Variants in STX8 observed in about 807,000 individuals in gnomAD.
The protein encoded by STX8 is syntaxin-8.
In STX8, 23 loss-of-function variants were observed where a neutral mutation model predicts 37.5. The observed-to-expected ratio is 0.61, with a 90% CI of 0.44 to 0.87. STX8 has a LOEUF of 0.87. STX8 is among the 40% of genes least tolerant of loss of function. STX8 has a pLI of 0.00. For synonymous variants in STX8, 115 were observed against 99.1 expected (o/e 1.16, Z -0.95); for missense variants, 313 against 284.7 (o/e 1.10, Z -0.71).
chr17:9,357,146 T>C (rs1396351131), intron 7 of STX8, among the ~76,000 whole-genome samples: 1 of 151,696 alleles, frequency 6.6e-6, no homozygotes, highest in African/African-American at 2.4e-5. Context: ...TTTTGTATTT[T>C]TAGAGACGGG....
chr17:9,365,136 T>G (rs536652268), intron 7 of STX8, among the ~76,000 whole-genome samples: 3 of 152,192 alleles, frequency 2.0e-5, no homozygotes, highest in Non-Finnish European at 4.4e-5. Context: ...AGTAGTATAT[T>G]GTGACATGTT....
intron 4 of STX8, among the ~76,000 whole-genome samples, chr17:9,533,638 G>T (rs527987085): frequency 1.3e-5 from 2 of 152,102 alleles, no homozygotes; most frequent in Non-Finnish European, 2.9e-5. Flanking sequence ...AAAGGCCAGC[G>T]AGTGACTAAC....
At chr17:9,482,181 C>T (rs900392845) in intron 6 of STX8, among the ~76,000 whole-genome samples, 18 of 152,106 alleles carry the variant, frequency 1.2e-4, no homozygotes, top group African/African-American at 4.3e-4. Context: ...AGACCCTGTC[C>T]CTATTTTTTT....
chr17:9,552,094 G>A (rs1038157476), intron 3 of STX8, among the ~76,000 whole-genome samples: 4 of 152,160 alleles, frequency 2.6e-5, no homozygotes, highest in Non-Finnish European at 4.4e-5. Context: ...GCTCACACCA[G>A]TAATCCAAAC....
At chr17:9,445,524 T>TTGGGGGGGG (rs1904813616) in intron 6 of STX8, among the ~76,000 whole-genome samples, 1 of 25,672 alleles carries the variant, frequency 3.9e-5, no homozygotes, top group African/African-American at 1.5e-4. Flanking sequence ...GGTTGGGGGG[T>TTGGGGGGGG]GGGGGTGAGG....
intron 5 of STX8, among the ~76,000 whole-genome samples, chr17:9,492,718 G>A (rs1180540452): frequency 6.6e-6 from 1 of 152,160 alleles, no homozygotes; most frequent in African/African-American, 2.4e-5. Flanking sequence ...GGAAGCCAAG[G>A]CAGGAGGTTC....
intron 6 of STX8, among the ~76,000 whole-genome samples, chr17:9,458,964 G>A (rs137941525): frequency 0.011 from 1,651 of 151,870 alleles, 24 homozygotes; most frequent in African/African-American, 0.036. Flanking sequence ...TGAGTAGCTG[G>A]GACTACAGGC....
chr17:9,516,974 G>A (rs183922500), intron 4 of STX8, among the ~76,000 whole-genome samples: 91 of 152,192 alleles, frequency 6.0e-4, no homozygotes, highest in Admixed American at 1.4e-3. Flanking sequence ...TGACATTGGG[G>A]AGTAAGTGGG....
At chr17:9,496,464 T>C (rs1311769897) in intron 5 of STX8, among the ~76,000 whole-genome samples, 2 of 152,232 alleles carry the variant, frequency 1.3e-5, no homozygotes, top group East Asian at 3.8e-4. Flanking sequence ...GTCATGATGA[T>C]ATCACAAGAG....
chr17:9,252,609 CAAAAAAAA>C (rs60037652), intron 7 of STX8, among the ~76,000 whole-genome samples: 1 of 94,050 alleles, frequency 1.1e-5, no homozygotes. Context: ...AACTCTGTCT[CAAAAAAAA>C]AAAAAAAAGA....
chr17:9,430,772 C>T (rs1913933378), intron 6 of STX8, among the ~76,000 whole-genome samples: 1 of 152,046 alleles, frequency 6.6e-6, no homozygotes, highest in East Asian at 1.9e-4. Flanking sequence ...GCCTCAACCT[C>T]CCAAGTAGCT....
intron 7 of STX8, among the ~76,000 whole-genome samples, chr17:9,343,962 T>TA (rs1910452855): frequency 6.6e-6 from 1 of 152,280 alleles, no homozygotes; most frequent in East Asian, 1.9e-4. Context: ...GTTCTTTTTG[T>TA]AAAAAAGAGT....
intron 7 of STX8, among the ~76,000 whole-genome samples, chr17:9,335,022 C>T (rs557680656): frequency 3.3e-5 from 5 of 152,316 alleles, no homozygotes; most frequent in East Asian, 1.9e-4. Flanking sequence ...GTCACCGCTT[C>T]GATCTGAGTC....
intron 7 of STX8, among the ~76,000 whole-genome samples, chr17:9,371,124 T>C (rs769374708): frequency 6.6e-6 from 1 of 152,158 alleles, no homozygotes; most frequent in African/African-American, 2.4e-5. Flanking sequence ...CTCTCCTGTG[T>C]GGCCCCTTGC....
chr17:9,493,244 G>A (rs112404509), intron 5 of STX8, among the ~76,000 whole-genome samples: 59 of 152,314 alleles, frequency 3.9e-4, no homozygotes, highest in African/African-American at 1.4e-3. Context: ...CAGCCTGGGT[G>A]ATAGAGAGAG....
intron 7 of STX8, among the ~76,000 whole-genome samples, chr17:9,262,320 G>A (rs1907067874): frequency 2.6e-5 from 4 of 152,118 alleles, no homozygotes; most frequent in Admixed American, 6.6e-5. Context: ...CTCAAGTGAG[G>A]CCAACAAGGT....
intron 7 of STX8, among the ~76,000 whole-genome samples, chr17:9,278,426 G>A (rs960426577): frequency 1.3e-5 from 2 of 151,728 alleles, no homozygotes; most frequent in African/African-American, 4.8e-5. Context: ...TCCTGCCTGG[G>A]CAACAAGAGT....
intron 6 of STX8, among the ~76,000 whole-genome samples, chr17:9,457,072 G>C (rs1905206281): frequency 1.3e-5 from 2 of 152,146 alleles, no homozygotes; most frequent in Non-Finnish European, 2.9e-5. Flanking sequence ...AGAAATGCAG[G>C]GTTGCTCTAG....
intron 6 of STX8, among the ~76,000 whole-genome samples, chr17:9,440,063 T>A (rs1904584127): frequency 6.6e-6 from 1 of 152,076 alleles, no homozygotes; most frequent in African/African-American, 2.4e-5. Flanking sequence ...AGTGGTGGCA[T>A]AAAGTAGGTC....
Sources: gnomAD v4.1 joint callset for allele counts (sites outside exome capture counted in the v4.1 genomes callset) on GRCh38, gnomAD v4.1.1 for gene constraint, MANE v1.5 for transcripts, NCBI Gene and HGNC (gene_info 2026-07-23, HGNC 2026-07-21) for gene names.